The following TLK1 variants were observed in gnomAD, a reference collection of about 807,000 sequenced individuals.
TLK1 encodes tousled like kinase 1.
Under a neutral mutation model 105.3 loss-of-function variants are expected in TLK1, and 24 were observed. That is an observed-to-expected ratio of 0.23 (90% CI 0.17 to 0.32). The LOEUF (loss-of-function observed/expected upper bound fraction) is 0.32. Among genes scored for constraint, TLK1 ranks in the 10% least tolerant of loss-of-function variants. TLK1 has a pLI of 1.00. For missense variants in TLK1, 558 were observed against 910.5 expected (o/e 0.61, Z 4.98); for synonymous variants, 321 against 310.4 (o/e 1.03, Z -0.36).
intron 3 of TLK1, among the ~76,000 whole-genome samples, chr2:171,073,518 ATTC>A (rs1688355695): frequency 6.6e-6 from 1 of 152,126 alleles, no homozygotes. Context: ...TGATATACAT[ATTC>A]TTCTACCTTT....
intron 1 of TLK1, among the ~76,000 whole-genome samples, chr2:171,152,984 G>C (rs1210612966): frequency 1.3e-5 from 2 of 151,952 alleles, no homozygotes; most frequent in Non-Finnish European, 2.9e-5. Context: ...TGGGGTTTTT[G>C]TATTTTTTTA....
intron 3 of TLK1, among the ~76,000 whole-genome samples, chr2:171,064,621 G>A (rs1300863041): frequency 1.3e-5 from 2 of 151,906 alleles, no homozygotes; most frequent in African/African-American, 4.8e-5. Context: ...AGATTAATAC[G>A]GAAGGCAAAA....
intron 12 of TLK1, among the ~76,000 whole-genome samples, chr2:171,019,907 GAT>G (rs994462376): frequency 1.3e-5 from 2 of 151,500 alleles, no homozygotes; most frequent in African/African-American, 4.9e-5. Context: ...AAAATACAAA[GAT>G]AAGCCAGACG....
chr2:171,068,544 A>G (rs575039910), intron 3 of TLK1, among the ~76,000 whole-genome samples: 1 of 152,202 alleles, frequency 6.6e-6, no homozygotes, highest in Non-Finnish European at 1.5e-5. Flanking sequence ...TACATCAATC[A>G]TTTATAAAGC....
At chr2:171,014,392 G>A (rs1286207659) in intron 13 of TLK1, among the ~76,000 whole-genome samples, 1 of 151,604 alleles carries the variant, frequency 6.6e-6, no homozygotes, top group Non-Finnish European at 1.5e-5. Flanking sequence ...AAGAAATGGG[G>A]GTCTCACTAT....
chr2:171,116,297 A>G (rs886177362), intron 2 of TLK1, among the ~76,000 whole-genome samples: 1 of 152,258 alleles, frequency 6.6e-6, no homozygotes, highest in Non-Finnish European at 1.5e-5. Flanking sequence ...TAGAATATAC[A>G]TGAAACATGA....
intron 1 of TLK1, among the ~76,000 whole-genome samples, chr2:171,143,253 A>G (rs2105581217): frequency 6.6e-6 from 1 of 152,164 alleles, no homozygotes; most frequent in East Asian, 1.9e-4. Flanking sequence ...TTTCATCAAA[A>G]GATACATTTG....
chr2:171,155,112 T>C (rs1351947733), intron 1 of TLK1, among the ~76,000 whole-genome samples: 1 of 152,206 alleles, frequency 6.6e-6, no homozygotes, highest in African/African-American at 2.4e-5. Context: ...TTAAACACTT[T>C]TCTTTCTTCT....
chr2:171,216,923 C>A (rs1023669677), intron 1 of TLK1, among the ~76,000 whole-genome samples: 1 of 152,226 alleles, frequency 6.6e-6, no homozygotes, highest in Non-Finnish European at 1.5e-5. Context: ...AGAGGGAATG[C>A]AGCCCTGCCT....
chr2:171,002,638 G>A (rs1684438047), intron 18 of TLK1, among the ~76,000 whole-genome samples: 1 of 151,714 alleles, frequency 6.6e-6, no homozygotes, highest in African/African-American at 2.4e-5. Context: ...CATTTTCTTT[G>A]TCCTTTTCTT....
At chr2:171,105,645 G>A (rs1362887255) in intron 2 of TLK1, among the ~76,000 whole-genome samples, 1 of 151,992 alleles carries the variant, frequency 6.6e-6, no homozygotes, top group South Asian at 2.1e-4. Flanking sequence ...CCGAGACTGC[G>A]CCAGTGCACT....
chr2:171,005,602 G>C (rs989149334), intron 18 of TLK1, among the ~76,000 whole-genome samples: 1 of 152,116 alleles, frequency 6.6e-6, no homozygotes, highest in Non-Finnish European at 1.5e-5. Flanking sequence ...TGGGCATAGT[G>C]GTGCGTACCT....
intron 2 of TLK1, among the ~76,000 whole-genome samples, chr2:171,098,688 T>C (rs1015934823): frequency 6.6e-6 from 1 of 152,182 alleles, no homozygotes; most frequent in African/African-American, 2.4e-5. Context: ...TACAGATCAA[T>C]ATCCCTTACA....
chr2:171,104,110 T>C (rs1202447628), intron 2 of TLK1, among the ~76,000 whole-genome samples: 1 of 152,026 alleles, frequency 6.6e-6, no homozygotes, highest in Non-Finnish European at 1.5e-5. Flanking sequence ...ATGCCGTCTC[T>C]ACTAAAAATA....
intron 1 of TLK1, among the ~76,000 whole-genome samples, chr2:171,197,202 C>T (rs1039762288): frequency 1.3e-5 from 2 of 152,052 alleles, no homozygotes; most frequent in Non-Finnish European, 2.9e-5. Context: ...TGATAAACTT[C>T]TAGGTTTTTA....
intron 2 of TLK1, among the ~76,000 whole-genome samples, chr2:171,112,820 T>G (rs1690241558): frequency 6.6e-6 from 1 of 152,066 alleles, no homozygotes; most frequent in South Asian, 2.1e-4. Flanking sequence ...CAACAAACTT[T>G]AAAGGATCTA....
intron 3 of TLK1, among the ~76,000 whole-genome samples, chr2:171,081,431 A>T (rs914794219): frequency 6.6e-6 from 1 of 152,248 alleles, no homozygotes; most frequent in Non-Finnish European, 1.5e-5. Context: ...AACAGGAGGC[A>T]GGTGAAATTA....
chr2:171,207,176 T>C (rs762284846), intron 1 of TLK1, among the ~76,000 whole-genome samples: 5 of 152,192 alleles, frequency 3.3e-5, no homozygotes, highest in African/African-American at 9.7e-5. Flanking sequence ...AATGGATAAA[T>C]AGTGGGACAT....
At chr2:171,135,637 C>T (rs1374927483) in intron 1 of TLK1, among the ~76,000 whole-genome samples, 2 of 151,966 alleles carry the variant, frequency 1.3e-5, no homozygotes, top group East Asian at 3.9e-4. Flanking sequence ...CCCATCTCTA[C>T]TAAAAATGTA....
Sources: gnomAD v4.1 joint callset for allele counts (sites outside exome capture counted in the v4.1 genomes callset) on GRCh38, gnomAD v4.1.1 for gene constraint, MANE v1.5 for transcripts, NCBI Gene and HGNC (gene_info 2026-07-23, HGNC 2026-07-21) for gene names.